SERPINA3: variants seen among roughly 807,000 people sequenced by gnomAD.
SERPINA3 encodes alpha-1-antichymotrypsin.
Under a neutral mutation model 26.8 loss-of-function variants are expected in SERPINA3, and 32 were observed. The ratio of observed to expected loss-of-function variants is 1.20; its 90% CI spans 0.90 to 1.61. The LOEUF is 1.61. Among genes scored for constraint, SERPINA3 ranks in the 40% most tolerant of loss-of-function variants. The probability of loss-of-function intolerance (pLI) is 0.00; values close to 1 mark genes in which losing one functional copy is unlikely to be tolerated. For synonymous variants in SERPINA3, 252 were observed against 206.4 expected, an observed-to-expected ratio of 1.22 and a Z score of -1.89; for missense variants, 632 against 517.9, an observed-to-expected ratio of 1.22 and a Z score of -2.14.
chr14:94,623,610 G>A lies in SERPINA3; in HGVS notation c.1069-1G>A. 1.2e-6 allele frequency: 2 copies of A among 1,613,886 alleles called. No individual in the cohort carries two copies. Among genetic ancestry groups the A allele is most frequent in the Non-Finnish European group, 1.7e-6 (2 of 1,179,988 alleles). ...TGTGTAATGTTCTGCTGTCCCCACA[G>A]GTGGTCCATAAGGCTGTGCTTGATG... On this transcript the variant is annotated splice_acceptor_variant, in intron 4 of 4. Coordinates refer to ENST00000393078, the MANE Select transcript of SERPINA3 (RefSeq NM_001085.5). LOFTEE classifies it high-confidence loss of function.
At chr14:94,612,889 G>C (rs1885836677) in intron 1 of SERPINA3, among the ~76,000 whole-genome samples, 2 of 152,082 alleles carry the variant, frequency 1.3e-5, no homozygotes, top group South Asian at 4.1e-4. Flanking sequence ...GGCTGCCTCG[G>C]GAGCTCCACT....
intron 2 of SERPINA3, among the ~76,000 whole-genome samples, chr14:94,616,947 G>A (rs1036574411): frequency 3.9e-5 from 6 of 152,106 alleles, no homozygotes; most frequent in African/African-American, 7.2e-5. Context: ...AGATTTAAAG[G>A]CTTGTAGAGC....
At chr14:94,615,775 G>T (rs1481254802) in intron 2 of SERPINA3, among the ~76,000 whole-genome samples, 1 of 152,196 alleles carries the variant, frequency 6.6e-6, no homozygotes, top group Non-Finnish European at 1.5e-5. Flanking sequence ...CTGGTCCAGT[G>T]CCCAATCCCA....
intron 2 of SERPINA3, among the ~76,000 whole-genome samples, chr14:94,616,705 A>T (rs1199960200): frequency 6.6e-6 from 1 of 152,198 alleles, no homozygotes; most frequent in Non-Finnish European, 1.5e-5. Context: ...GGTTTCCCCT[A>T]GAAAACGGTT....
At chr14:94,622,533 A>G (rs1464642343) in intron 4 of SERPINA3, 42 bp downstream of exon 4, 1 of 1,609,748 alleles carries the variant, frequency 6.2e-7, no homozygotes, top group Non-Finnish European at 8.5e-7. Flanking sequence ...TTGTATCCGA[A>G]CTTGAATTGG....
intron 2 of SERPINA3, among the ~76,000 whole-genome samples, chr14:94,615,916 T>G (rs1004998682): frequency 2.0e-5 from 3 of 151,802 alleles, no homozygotes; most frequent in African/African-American, 7.3e-5. Context: ...ACACAAAGAG[T>G]GATCACTGAG....
At position 94,622,415 on chromosome 14, in the gene SERPINA3, T is replaced by G; in HGVS notation, c.992T>G (p.Leu331Arg). Residue 331 changes from leucine to arginine, a missense_variant, in exon 4 of 5, where the codon CTG becomes CGG. By Grantham distance (102) the Leu-to-Arg change is moderately radical. Coordinates refer to ENST00000393078, the MANE Select transcript of SERPINA3 (RefSeq NM_001085.5). ...AACCTGAACGACATACTTCTCCAGCTGGGCATTGAGGAAGCCTTCACCAGC... is the reference window on the plus strand; with the variant it reads ...AACCTGAACGACATACTTCTCCAGCGGGGCATTGAGGAAGCCTTCACCAGC... ...DYNLNDILLQ[L>R]GIEEAFTSKA... 6.2e-7 allele frequency: 1 copy of G among 1,614,096 alleles called. No individual in the cohort carries two copies. Among genetic ancestry groups the G allele is most frequent in the East Asian group, 2.2e-5 (1 of 44,854 alleles).
intron 1 of SERPINA3, 55 bp downstream of exon 1, chr14:94,612,502 G>T: frequency 8.8e-7 from 1 of 1,131,694 alleles, no homozygotes; most frequent in South Asian, 1.3e-5. Context: ...TTCCAGGAGA[G>T]TTTTAGGCAG....
At chr14:94,616,197 C>T (rs1224259091) in intron 2 of SERPINA3, among the ~76,000 whole-genome samples, 1 of 152,206 alleles carries the variant, frequency 6.6e-6, no homozygotes, top group Non-Finnish European at 1.5e-5. Flanking sequence ...TAGCTTTCCC[C>T]TCCCCACCTG....
intron 2 of SERPINA3, among the ~76,000 whole-genome samples, chr14:94,615,317 G>T (rs377717350): frequency 6.6e-6 from 1 of 152,232 alleles, no homozygotes; most frequent in African/African-American, 2.4e-5. Flanking sequence ...TCAGCCTCTG[G>T]TCTGAGTCAG....
At chr14:94,623,498 C>T in intron 4 of SERPINA3, 113 bp from the exon 5 acceptor site, 1 of 961,286 alleles carries the variant, frequency 1.0e-6, no homozygotes, top group Non-Finnish European at 1.7e-6. Context: ...AGCACAAAGA[C>T]AGGCCAGCAC....
At chr14:94,616,825 A>C (rs1206015003) in intron 2 of SERPINA3, among the ~76,000 whole-genome samples, 2 of 152,192 alleles carry the variant, frequency 1.3e-5, no homozygotes, top group Admixed American at 1.3e-4. Context: ...CTAACCAGAC[A>C]TTCGGGCCCT....
intron 2 of SERPINA3, 46 bp from the exon 3 acceptor site, chr14:94,619,149 C>T (rs372156279): frequency 8.5e-5 from 137 of 1,611,148 alleles, no homozygotes; most frequent in African/African-American, 6.0e-4. Context: ...TCGAGCAGGG[C>T]GACCCTTGCA....
In SERPINA3 at chr14:94,623,758, A is replaced by G. The variant is rs777867172; in HGVS notation, c.1216A>G (p.Thr406Ala). The G allele has an allele frequency of 1.2e-6, 2 of 1,614,136 alleles. No homozygotes were observed. The highest frequency in any genetic ancestry group is 1.7e-6 in the Non-Finnish European group (2 of 1,180,026). The change falls in exon 5 of 5, where the codon ACA becomes GCA. Residue 406 changes from threonine (T) to alanine (A), a missense_variant. Thr to Ala is a moderately conservative substitution (Grantham distance 58, BLOSUM62 0). Transcript: ENST00000393078. ...NRPFLMIIVP[T>A]DTQNIFFMSK... ...GCCCTTCCTGATGATCATTGTCCCT[A>G]CAGACACCCAGAACATCTTCTTCAT...
intron 2 of SERPINA3, among the ~76,000 whole-genome samples, chr14:94,616,302 T>C (rs144967970): frequency 2.5e-4 from 38 of 152,208 alleles, no homozygotes; most frequent in African/African-American, 8.4e-4. Context: ...ACCCCCCTCA[T>C]TGTTCAGTGC....
chr14:94,614,565 G>A lies in SERPINA3; in HGVS notation c.124G>A (p.Gly42Arg), dbSNP rs1295819111. ...TCTGACCCAGGAGAACCAAGACCGA[G>A]GGACACACGTGGACCTCGGATTAGC... ...ENLTQENQDR[G>R]THVDLGLASA... Residue 42 changes from glycine (G) to arginine (R), a missense_variant, in exon 2 of 5, where the codon GGG (glycine) becomes AGG (arginine). Physicochemically the swap from Gly to Arg is moderately radical, Grantham distance 125. Coordinates refer to ENST00000393078, the MANE Select transcript of SERPINA3 (RefSeq NM_001085.5). The A allele has an allele frequency of 1.2e-6, 2 of 1,614,162 alleles. No homozygotes were observed. Among genetic ancestry groups the A allele is most frequent in the South Asian group, 1.1e-5 (1 of 91,072 alleles).
chr14:94,616,474 G>T (rs76492110), intron 2 of SERPINA3, among the ~76,000 whole-genome samples: 6 of 152,286 alleles, frequency 3.9e-5, no homozygotes, highest in Middle Eastern at 3.4e-3. Context: ...GGAAGGTGGA[G>T]GGGACCGAGC....
chr14:94,612,880 G>C (rs936520366), intron 1 of SERPINA3, among the ~76,000 whole-genome samples: 4 of 152,108 alleles, frequency 2.6e-5, no homozygotes, highest in African/African-American at 9.7e-5. Context: ...TCTCCATGGG[G>C]CTGCCTCGGG....
chr14:94,623,860 C>T lies in SERPINA3; in HGVS notation c.*46C>T. ...GGCTCTCAGTAAGGAACTTGGAATGCAAGCTGGATGCCTGGGTCTCTGGGC... is the reference window on the plus strand; with the variant it reads ...GGCTCTCAGTAAGGAACTTGGAATGTAAGCTGGATGCCTGGGTCTCTGGGC... On this transcript the variant is annotated 3_prime_UTR_variant, in exon 5 of 5. Transcript: ENST00000393078. 1.0e-5 allele frequency: 16 copies of T among 1,545,374 alleles called. No homozygotes were observed. The highest frequency in any genetic ancestry group is 1.4e-5 in the Non-Finnish European group (16 of 1,119,964).
Sources: gnomAD v4.1 joint callset for allele counts (sites outside exome capture counted in the v4.1 genomes callset) on GRCh38, gnomAD v4.1.1 for gene constraint, MANE v1.5 for transcripts, NCBI Gene and HGNC (gene_info 2026-07-23, HGNC 2026-07-21) for gene names.